The following PRKAG2 variants were observed in gnomAD, a reference collection of about 807,000 sequenced individuals.
The protein encoded by PRKAG2 is 5'-AMP-activated protein kinase subunit gamma-2.
PRKAG2 carries 26 observed loss-of-function variants against 69.6 expected under a neutral mutation model. That is an observed-to-expected ratio of 0.37 (90% CI 0.27 to 0.52). The LOEUF (loss-of-function observed/expected upper bound fraction) is 0.52, where lower values mean the gene tolerates loss of function less well. PRKAG2 is among the 20% of genes least tolerant of loss of function. PRKAG2 has a pLI of 0.90. For missense variants in PRKAG2, 557 were observed against 740.0 expected (o/e 0.75, Z 2.87); for synonymous variants, 293 against 285.0 (o/e 1.03, Z -0.28).
intron 3 of PRKAG2, among the ~76,000 whole-genome samples, chr7:151,704,789 G>A (rs1382735589): frequency 6.6e-6 from 1 of 152,236 alleles, no homozygotes; most frequent in African/African-American, 2.4e-5. Flanking sequence ...GCCTCCCGGG[G>A]CGCCACGGCT....
At chr7:151,644,278 A>C (rs768920726) in intron 4 of PRKAG2, among the ~76,000 whole-genome samples, 2 of 152,196 alleles carry the variant, frequency 1.3e-5, no homozygotes, top group Non-Finnish European at 2.9e-5. Flanking sequence ...GTTAAAGAGA[A>C]AATTAAAAAA....
intron 1 of PRKAG2, among the ~76,000 whole-genome samples, chr7:151,838,057 G>A (rs1485351097): frequency 1.3e-5 from 2 of 152,176 alleles, no homozygotes; most frequent in Admixed American, 6.5e-5. Context: ...CCTGGGCCTC[G>A]GGAACAGGCA....
At chr7:151,659,760 T>C (rs1292324324) in intron 4 of PRKAG2, among the ~76,000 whole-genome samples, 2 of 152,256 alleles carry the variant, frequency 1.3e-5, no homozygotes, top group Non-Finnish European at 2.9e-5. Flanking sequence ...AGGCTTTAGT[T>C]TGAAGATAAT....
At chr7:151,667,004 G>A (rs59741855) in intron 4 of PRKAG2, among the ~76,000 whole-genome samples, 3,244 of 152,204 alleles carry the variant, frequency 0.021, 115 homozygotes, top group African/African-American at 0.073. Context: ...ACTATTAGCC[G>A]GGATTGCCCT....
chr7:151,759,625 G>A (rs184735089), intron 3 of PRKAG2, among the ~76,000 whole-genome samples: 3 of 152,314 alleles, frequency 2.0e-5, no homozygotes, highest in East Asian at 1.9e-4. Context: ...AAGGTGAACC[G>A]CACTGGAAAA....
At chr7:151,846,004 A>C (rs560932547) in intron 1 of PRKAG2, among the ~76,000 whole-genome samples, 3 of 152,292 alleles carry the variant, frequency 2.0e-5, no homozygotes, top group African/African-American at 7.2e-5. Flanking sequence ...TCAACAGATG[A>C]GTCCCTGTGA....
At chr7:151,657,224 G>A (rs1005654080) in intron 4 of PRKAG2, among the ~76,000 whole-genome samples, 2 of 152,170 alleles carry the variant, frequency 1.3e-5, no homozygotes, top group African/African-American at 4.8e-5. Flanking sequence ...CAAATTGTGT[G>A]ACCATAGTGT....
intron 3 of PRKAG2, chr7:151,736,280 C>T (rs906830114): frequency 1.3e-5 from 17 of 1,273,302 alleles, no homozygotes; most frequent in East Asian, 6.5e-5. Context: ...AGCGTCAGCC[C>T]GGCTGTCCTT....
intron 4 of PRKAG2, among the ~76,000 whole-genome samples, chr7:151,661,762 A>G (rs1284009626): frequency 3.3e-5 from 5 of 152,180 alleles, no homozygotes; most frequent in Non-Finnish European, 7.3e-5. Flanking sequence ...TTAACAGGGT[A>G]TGCGTTCCTT....
At chr7:151,705,770 T>C (rs967173990) in intron 3 of PRKAG2, among the ~76,000 whole-genome samples, 17 of 152,024 alleles carry the variant, frequency 1.1e-4, no homozygotes, top group African/African-American at 3.9e-4. Flanking sequence ...AGAGCAAGAG[T>C]GTTGACTCCT....
intron 13 of PRKAG2, 82 bp from the exon 14 acceptor site, chr7:151,564,306 T>A: frequency 6.7e-7 from 1 of 1,499,196 alleles, no homozygotes; most frequent in Non-Finnish European, 9.3e-7. Flanking sequence ...TAAGAGAGCC[T>A]GATTTCTAAA....
intron 5 of PRKAG2, among the ~76,000 whole-genome samples, chr7:151,626,239 A>G (rs1235528366): frequency 6.6e-6 from 1 of 152,152 alleles, no homozygotes; most frequent in East Asian, 1.9e-4. Context: ...TAAACTAGTC[A>G]GGGATCTTCC....
At chr7:151,643,832 C>G (rs1827146674) in intron 4 of PRKAG2, among the ~76,000 whole-genome samples, 1 of 152,154 alleles carries the variant, frequency 6.6e-6, no homozygotes, top group Admixed American at 6.5e-5. Flanking sequence ...GATTTCTATT[C>G]CAAGTGTACA....
In PRKAG2 at chr7:151,788,986, C is replaced by T. The variant is rs1010924142; in HGVS notation, c.115-2445G>A. ...TCTGAGAGTTTATTTCTGGGCTCTC[C>T]ATTCCATTCCATTGGTCTATATGTC... On this transcript the variant is annotated intron_variant, in intron 1 of 15. Transcript: ENST00000287878. This position sits in a 1 kb window ranked among gnomAD's most constrained non-coding sequence, Gnocchi z 4.6. 6.6e-6 allele frequency among the ~76,000 whole-genome samples: 1 copy of T among 152,190 alleles called. No homozygotes were observed. The highest frequency in any genetic ancestry group is 2.4e-5 in the African/African-American group (1 of 41,434).
intron 1 of PRKAG2, among the ~76,000 whole-genome samples, chr7:151,849,907 A>G (rs999620930): frequency 4.6e-5 from 7 of 152,080 alleles, no homozygotes; most frequent in Non-Finnish European, 1.5e-5. Context: ...ACCTCTCTAT[A>G]TATTTTGGGG....
At chr7:151,565,933 G>A in intron 11 of PRKAG2, 48 bp from the exon 12 acceptor site, 1 of 1,567,714 alleles carries the variant, frequency 6.4e-7, no homozygotes, top group Non-Finnish European at 8.8e-7. Context: ...ACACACTCTT[G>A]TCATGTTCAA....
intron 5 of PRKAG2, among the ~76,000 whole-genome samples, chr7:151,610,641 C>T (rs1818569034): frequency 6.6e-6 from 1 of 151,594 alleles, no homozygotes; most frequent in African/African-American, 2.4e-5. Flanking sequence ...CGCGCCACTG[C>T]ACTCCAGCCT....
At position 151,836,113 on chromosome 7, in the gene PRKAG2, A is replaced by G. The variant is rs1182270562; in HGVS notation, c.114+40394T>C. ...TGAGATGTGATTACAATGAATATTC[A>G]TGACCGCTTCCCATATCCTGAGTTT... On this transcript the variant is annotated intron_variant, in intron 1 of 15. Coordinates refer to ENST00000287878, the MANE Select transcript of PRKAG2 (RefSeq NM_016203.4). This position sits in a 1 kb window ranked among gnomAD's most constrained non-coding sequence, Gnocchi z 4.1. 2.0e-5 allele frequency among the ~76,000 whole-genome samples: 3 copies of G among 152,216 alleles called. No homozygotes were observed. Among genetic ancestry groups the G allele is most frequent in the Non-Finnish European group, 4.4e-5 (3 of 68,030 alleles).
intron 3 of PRKAG2, among the ~76,000 whole-genome samples, chr7:151,710,682 T>A (rs746079605): frequency 6.6e-6 from 1 of 152,238 alleles, no homozygotes; most frequent in Middle Eastern, 3.2e-3. Context: ...ATTTGCCACA[T>A]GCTCATTCAG....
Sources: gnomAD v4.1 joint callset for allele counts (sites outside exome capture counted in the v4.1 genomes callset) on GRCh38, gnomAD v4.1.1 for gene constraint, Gnocchi (gnomAD v3.1) non-coding constraint, MANE v1.5 for transcripts, NCBI Gene and HGNC (gene_info 2026-07-23, HGNC 2026-07-21) for gene names.